The following GPC5 variants were observed in gnomAD, a reference collection of about 807,000 sequenced individuals.
The protein encoded by GPC5 is glypican-5.
A neutral mutation model predicts 53.9 loss-of-function variants in GPC5; 47 were observed. The ratio of observed to expected loss-of-function variants is 0.87; its 90% CI spans 0.69 to 1.11. The LOEUF (loss-of-function observed/expected upper bound fraction) is 1.11, where lower values mean the gene tolerates loss of function less well. GPC5 is among the 50% of genes most tolerant of loss of function. The probability of loss-of-function intolerance (pLI) is 0.00; values close to 1 mark genes in which losing one functional copy is unlikely to be tolerated. For synonymous variants in GPC5, 286 were observed against 263.3 expected (o/e 1.09, Z -0.84); for missense variants, 748 against 713.1 (o/e 1.05, Z -0.56).
intron 6 of GPC5, among the ~76,000 whole-genome samples, chr13:91,929,013 C>T (rs935416928): frequency 7.9e-5 from 12 of 152,186 alleles, no homozygotes; most frequent in Admixed American, 1.3e-4. Flanking sequence ...CAATTCTTTT[C>T]CTTGACAGTG....
intron 7 of GPC5, among the ~76,000 whole-genome samples, chr13:92,602,008 T>G (rs1254718763): frequency 1.3e-5 from 2 of 151,388 alleles, no homozygotes; most frequent in Non-Finnish European, 2.9e-5. Flanking sequence ...GCAGAAATTT[T>G]AGCATTTATG....
chr13:92,296,160 G>C (rs1002674687), intron 7 of GPC5, among the ~76,000 whole-genome samples: 6 of 152,174 alleles, frequency 3.9e-5, no homozygotes, highest in Non-Finnish European at 7.3e-5. Context: ...ACCTGTTCTG[G>C]TGGCAGAGGT....
chr13:91,451,123 T>G (rs1881145230), intron 2 of GPC5, among the ~76,000 whole-genome samples: 1 of 152,214 alleles, frequency 6.6e-6, no homozygotes, highest in Admixed American at 6.5e-5. Flanking sequence ...CCAACACATT[T>G]TTTTTGGGAA....
intron 3 of GPC5, among the ~76,000 whole-genome samples, chr13:91,711,165 T>C (rs574450821): frequency 2.0e-5 from 3 of 152,322 alleles, no homozygotes; most frequent in South Asian, 2.1e-4. Context: ...TGTATGTTTA[T>C]TGTGGCACTA....
intron 7 of GPC5, among the ~76,000 whole-genome samples, chr13:92,611,824 GAATATTT>G (rs1196845255): frequency 7.2e-5 from 11 of 152,068 alleles, no homozygotes; most frequent in Admixed American, 3.3e-4. Context: ...TGGTTTTGGT[GAATATTT>G]TATAGCAGTG....
At chr13:92,137,191 T>C (rs1371325945) in intron 6 of GPC5, among the ~76,000 whole-genome samples, 1 of 152,166 alleles carries the variant, frequency 6.6e-6, no homozygotes, top group African/African-American at 2.4e-5. Flanking sequence ...TATTATTCAG[T>C]AGAATAAATT....
At chr13:91,421,050 A>G (rs1262073395) in intron 1 of GPC5, among the ~76,000 whole-genome samples, 1 of 152,184 alleles carries the variant, frequency 6.6e-6, no homozygotes, top group African/African-American at 2.4e-5. Flanking sequence ...TTGGAAATCA[A>G]CTCATGAGCT....
intron 5 of GPC5, among the ~76,000 whole-genome samples, chr13:91,843,034 T>C (rs1177485366): frequency 6.6e-6 from 1 of 152,186 alleles, no homozygotes; most frequent in African/African-American, 2.4e-5. Flanking sequence ...TTTTTTTCTA[T>C]TTTTAACGGT....
At chr13:91,970,421 G>A (rs184594963) in intron 6 of GPC5, among the ~76,000 whole-genome samples, 1 of 151,608 alleles carries the variant, frequency 6.6e-6, no homozygotes, top group Admixed American at 6.6e-5. Context: ...AATTTGCTAG[G>A]AGTAGATTGC....
chr13:92,203,863 A>G (rs1055296876), intron 7 of GPC5, among the ~76,000 whole-genome samples: 3 of 151,760 alleles, frequency 2.0e-5, no homozygotes, highest in Non-Finnish European at 4.4e-5. Flanking sequence ...CTGAAATCAA[A>G]ATCAAAGAGA....
chr13:91,583,176 A>C (rs2032432972), intron 2 of GPC5, among the ~76,000 whole-genome samples: 1 of 152,208 alleles, frequency 6.6e-6, no homozygotes, highest in Non-Finnish European at 1.5e-5. Context: ...TATGTTCACT[A>C]TCACCACTTC....
rs376899681 is a variant in GPC5 at position 92,027,164 on chromosome 13, AC to A, written c.1402-117665del. ...TGTTTTATCTCCAACATTAATAAGT[AC>A]ATATTTTCCTTTCAGGAGAAAGTTG... is the stretch of plus-strand genomic sequence containing the variant. On this transcript the variant is annotated intron_variant, in intron 6 of 7. Transcript: ENST00000377067. 1.8e-3 allele frequency among the ~76,000 whole-genome samples: 281 copies of A among 152,322 alleles called. 3 individuals are homozygous for A. The highest frequency in any genetic ancestry group is 0.01 in the Middle Eastern group (3 of 294).
chr13:91,521,342 T>A (rs1218477269), intron 2 of GPC5, among the ~76,000 whole-genome samples: 1 of 152,220 alleles, frequency 6.6e-6, no homozygotes, highest in African/African-American at 2.4e-5. Flanking sequence ...TTGTAGGGAT[T>A]GAAGCTGAAG....
intron 6 of GPC5, among the ~76,000 whole-genome samples, chr13:91,968,763 A>G (rs1481419069): frequency 6.6e-6 from 1 of 152,010 alleles, no homozygotes; most frequent in Admixed American, 6.6e-5. Context: ...CGCCCGGGCA[A>G]TAATTCTTCT....
At chr13:92,329,894 G>A (rs4338645) in intron 7 of GPC5, among the ~76,000 whole-genome samples, 61,646 of 151,974 alleles carry the variant, frequency 0.41, 12,657 homozygotes, top group Middle Eastern at 0.51. Flanking sequence ...AACTAGAAAA[G>A]CAAATTGTGC....
chr13:92,531,504 CAGAT>C (rs1046345382), intron 7 of GPC5, among the ~76,000 whole-genome samples: 1 of 148,550 alleles, frequency 6.7e-6, no homozygotes. Context: ...TATGTTTATA[CAGAT>C]ATATATGTAT....
chr13:91,417,983 A>G (rs979514395), intron 1 of GPC5, among the ~76,000 whole-genome samples: 11 of 152,138 alleles, frequency 7.2e-5, no homozygotes, highest in Non-Finnish European at 1.2e-4. Context: ...AGACAAAAAC[A>G]TTTATACGTT....
chr13:92,100,331 G>A (rs2041455564), intron 6 of GPC5, among the ~76,000 whole-genome samples: 1 of 152,116 alleles, frequency 6.6e-6, no homozygotes, highest in Non-Finnish European at 1.5e-5. Context: ...TAACCTGGGA[G>A]GCAGAGGTTG....
chr13:92,511,740 T>C (rs1880574074), intron 7 of GPC5, among the ~76,000 whole-genome samples: 1 of 152,230 alleles, frequency 6.6e-6, no homozygotes, highest in Non-Finnish European at 1.5e-5. Flanking sequence ...TTTCTCCTTC[T>C]TCTGATACTT....
Sources: allele counts gnomAD v4.1 joint callset (sites outside exome capture counted in the v4.1 genomes callset), GRCh38; gene constraint gnomAD v4.1.1; transcripts MANE v1.5; gene names NCBI Gene and HGNC (gene_info 2026-07-23, HGNC 2026-07-21).